KCNQ3: variants seen among roughly 807,000 people sequenced by gnomAD.
KCNQ3 encodes the protein potassium voltage-gated channel subfamily KQT member 3.
A neutral mutation model predicts 92.5 loss-of-function variants in KCNQ3; 30 were observed. The ratio of observed to expected loss-of-function variants is 0.32; its 90% confidence interval spans 0.24 to 0.44. The LOEUF is 0.44. Ranked by LOEUF, KCNQ3 falls within the 20% of genes least tolerant of loss-of-function variation. The pLI is 1.00. For synonymous variants in KCNQ3, 450 were observed against 468.8 expected (o/e 0.96, Z 0.52); for missense variants, 913 against 1,140.3 (o/e 0.80, Z 2.87).
In KCNQ3 at chr8:132,291,027, T is replaced by G. The variant is rs1322308018; in HGVS notation, c.387-104846A>C. ...AGAAGTGCTGAATACTGTTGAGGTA[T>G]CAAGTACAATTGCGACTGGAAACTG... is the stretch of plus-strand genomic sequence containing the variant. On this transcript the variant is annotated intron_variant, in intron 1 of 14. Transcript: ENST00000388996. Among the ~76,000 whole-genome samples, 3 of 152,286 alleles carry G rather than the reference T, an allele frequency of 2.0e-5. No homozygotes were observed. In the East Asian group the frequency reaches 5.8e-4, roughly 29 times the overall value.
chr8:132,324,030 G>C (rs981516738), intron 1 of KCNQ3, among the ~76,000 whole-genome samples: 4 of 152,078 alleles, frequency 2.6e-5, no homozygotes, highest in African/African-American at 9.7e-5. Context: ...CACTGCTTAC[G>C]GTTTCTCTGA....
intron 1 of KCNQ3, among the ~76,000 whole-genome samples, chr8:132,420,606 G>A (rs1482835907): frequency 6.6e-6 from 1 of 152,222 alleles, no homozygotes; most frequent in Non-Finnish European, 1.5e-5. Flanking sequence ...GGAGGTCACT[G>A]TGGTCAGAAC....
intron 1 of KCNQ3, among the ~76,000 whole-genome samples, chr8:132,308,634 C>T (rs1163144641): frequency 1.3e-5 from 2 of 152,178 alleles, no homozygotes; most frequent in African/African-American, 4.8e-5. Flanking sequence ...ATTATTATTA[C>T]CATCAAGGGG....
chr8:132,409,996 G>T (rs141341730), intron 1 of KCNQ3, among the ~76,000 whole-genome samples: 1 of 152,142 alleles, frequency 6.6e-6, no homozygotes, highest in Non-Finnish European at 1.5e-5. Flanking sequence ...TGGCATGGTG[G>T]TGTGCACCTG....
intron 1 of KCNQ3, among the ~76,000 whole-genome samples, chr8:132,381,626 G>C (rs1183692997): frequency 6.6e-6 from 1 of 152,184 alleles, no homozygotes. Flanking sequence ...ATAACTTATT[G>C]AGCACCTACT....
At chr8:132,296,697 T>A (rs553405896) in intron 1 of KCNQ3, among the ~76,000 whole-genome samples, 1 of 152,332 alleles carries the variant, frequency 6.6e-6, no homozygotes, top group South Asian at 2.1e-4. Context: ...GTTTCATCCA[T>A]GTCCCTAAAA....
At chr8:132,397,195 A>T (rs1261881632) in intron 1 of KCNQ3, among the ~76,000 whole-genome samples, 1 of 152,262 alleles carries the variant, frequency 6.6e-6, no homozygotes, top group East Asian at 1.9e-4. Flanking sequence ...TTCATTACTC[A>T]GTCTGAGTGG....
At chr8:132,395,028 A>G (rs73708446) in intron 1 of KCNQ3, among the ~76,000 whole-genome samples, 1,909 of 152,322 alleles carry the variant, frequency 0.013, 36 homozygotes, top group African/African-American at 0.044. Context: ...TCATGCATTT[A>G]GAGCACCCAG....
rs1014493388 is a variant in KCNQ3, at chr8:132,480,717, A to G, written c.-185T>C. The G allele has an allele frequency of 4.2e-6, 2 of 471,406 alleles. No homozygotes were observed. Among genetic ancestry groups the G allele is most frequent in the Non-Finnish European group, 5.3e-6 (2 of 376,294 alleles). 29.2% of individuals were successfully genotyped at this position (471,406 alleles called of 1,614,324 possible). On this transcript the variant is annotated 5_prime_UTR_variant, in exon 1 of 15. Coordinates refer to ENST00000388996, the MANE Select transcript of KCNQ3 (RefSeq NM_004519.4). ...AGGCGGGCCCCCTGGGGGGCAGGGG[A>G]GGCCAGGCAGGGGGTCAGGGGGTCA...
chr8:132,133,650 G>A (rs1367443998), intron 13 of KCNQ3, among the ~76,000 whole-genome samples: 5 of 152,014 alleles, frequency 3.3e-5, no homozygotes, highest in African/African-American at 9.6e-5. Context: ...CACCATGCCC[G>A]GCCTCTTGAT....
intron 4 of KCNQ3, among the ~76,000 whole-genome samples, chr8:132,179,915 A>T (rs1000120146): frequency 6.6e-6 from 1 of 152,184 alleles, no homozygotes; most frequent in Non-Finnish European, 1.5e-5. Flanking sequence ...AGTCATTTGC[A>T]TATGGTGGAG....
At chr8:132,375,580 G>C (rs1819585393) in intron 1 of KCNQ3, among the ~76,000 whole-genome samples, 1 of 152,196 alleles carries the variant, frequency 6.6e-6, no homozygotes, top group South Asian at 2.1e-4. Context: ...CTGGGGTATG[G>C]AGAAAGGGCA....
chr8:132,386,298 A>G (rs985919706), intron 1 of KCNQ3, among the ~76,000 whole-genome samples: 1 of 152,130 alleles, frequency 6.6e-6, no homozygotes, highest in African/African-American at 2.4e-5. Context: ...ACTCTTAAAA[A>G]CAGCTTAATA....
At chr8:132,340,320 A>C (rs1321499474) in intron 1 of KCNQ3, among the ~76,000 whole-genome samples, 4 of 152,220 alleles carry the variant, frequency 2.6e-5, no homozygotes, top group Non-Finnish European at 5.9e-5. Context: ...ACATATGTTT[A>C]TTGCAGGACT....
chr8:132,245,083 CTGATA>C (rs1174371656), intron 1 of KCNQ3, among the ~76,000 whole-genome samples: 2 of 152,096 alleles, frequency 1.3e-5, no homozygotes, highest in Non-Finnish European at 2.9e-5. Flanking sequence ...GTCCAATCTC[CTGATA>C]TAATTTGTGC....
intron 1 of KCNQ3, among the ~76,000 whole-genome samples, chr8:132,202,753 G>A (rs941402016): frequency 6.6e-6 from 1 of 152,012 alleles, no homozygotes; most frequent in African/African-American, 2.4e-5. Flanking sequence ...TTACAATCTC[G>A]GCTCACTGCA....
At chr8:132,153,774 C>G (rs1209889035) in intron 9 of KCNQ3, among the ~76,000 whole-genome samples, 1 of 152,028 alleles carries the variant, frequency 6.6e-6, no homozygotes. Context: ...TCTTTAACAC[C>G]CATGGGTGGC....
At position 132,129,970 on chromosome 8, in the gene KCNQ3, G is replaced by T. The variant is rs756450456; in HGVS notation, c.1911C>A (p.Asp637Glu). The T allele has an allele frequency of 6.2e-7, 1 of 1,613,786 alleles. No individual in the cohort carries two copies. The highest frequency in any genetic ancestry group is 1.7e-5 in the Admixed American group (1 of 60,020). Residue 637 changes from aspartate (D) to glutamate (E), a missense_variant, in exon 15 of 15, where the codon GAC (aspartate) becomes GAA (glutamate). By Grantham distance (45) the Asp-to-Glu change is conservative. Transcript: ENST00000388996. This position sits in a 1 kb window ranked among gnomAD's most constrained non-coding sequence, Gnocchi z 5.9. Reference protein sequence around the residue: ...RQVQDMGKKLDFLVDMHMQHM... With the variant: ...RQVQDMGKKLEFLVDMHMQHM... ...GTTGCATGTGCATATCCACGAGGAAGTCCAGCTTCTTCCCCATGTCCTGAA... is the reference window on the plus strand; with the variant it reads ...GTTGCATGTGCATATCCACGAGGAATTCCAGCTTCTTCCCCATGTCCTGAA...
At chr8:132,309,717 T>C (rs2130607625) in intron 1 of KCNQ3, among the ~76,000 whole-genome samples, 1 of 152,290 alleles carries the variant, frequency 6.6e-6, no homozygotes, top group African/African-American at 2.4e-5. Context: ...CAGAACTGGG[T>C]TGAAGAAGCC....
Sources: allele counts gnomAD v4.1 joint callset (sites outside exome capture counted in the v4.1 genomes callset), GRCh38; gene constraint gnomAD v4.1.1; non-coding constraint Gnocchi (gnomAD v3.1); transcripts MANE v1.5; gene names NCBI Gene and HGNC (gene_info 2026-07-23, HGNC 2026-07-21).